Variants in FBXW7 observed in about 807,000 individuals in gnomAD.
The protein encoded by FBXW7 is F-box and WD repeat domain containing 7, also known as F-box/WD repeat-containing protein 7.
In FBXW7, 11 loss-of-function variants were observed where a neutral mutation model predicts 86.3. The observed-to-expected ratio is 0.13, with a 90% CI of 0.08 to 0.21. FBXW7 has a LOEUF of 0.21. Ranked by LOEUF, FBXW7 falls within the 10% of genes least tolerant of loss-of-function variation. FBXW7 has a pLI of 1.00. For synonymous variants in FBXW7, 313 were observed against 297.9 expected (o/e 1.05, Z -0.52); for missense variants, 488 against 847.4 (o/e 0.58, Z 5.27).
At chr4:152,414,674 G>C (rs1454075631) in intron 2 of FBXW7, among the ~76,000 whole-genome samples, 2 of 152,082 alleles carry the variant, frequency 1.3e-5, no homozygotes, top group Non-Finnish European at 2.9e-5. Context: ...ATAATGGCTG[G>C]AGAAAAGAAC....
At chr4:152,529,844 A>C (rs886593512) in intron 2 of FBXW7, among the ~76,000 whole-genome samples, 2 of 151,918 alleles carry the variant, frequency 1.3e-5, no homozygotes, top group African/African-American at 4.8e-5. Flanking sequence ...TATACCCTCG[A>C]GGCTCTCTAA....
chr4:152,352,656 G>A (rs567675559), intron 4 of FBXW7: 2 of 1,613,832 alleles, frequency 1.2e-6, no homozygotes, highest in Admixed American at 1.7e-5. Flanking sequence ...GAAGATTAGG[G>A]AGCAGAACCG....
intron 2 of FBXW7, among the ~76,000 whole-genome samples, chr4:152,467,452 G>GT (rs1158163844): frequency 6.6e-6 from 1 of 152,050 alleles, no homozygotes; most frequent in Non-Finnish European, 1.5e-5. Flanking sequence ...TATCAGCAGC[G>GT]TGAGAACGGA....
At chr4:152,331,965 T>C (rs751087393) in intron 8 of FBXW7, among the ~76,000 whole-genome samples, 57 of 152,074 alleles carry the variant, frequency 3.7e-4, no homozygotes, top group Non-Finnish European at 7.4e-4. Context: ...TGACTATAAC[T>C]ACCATGAAGG....
At chr4:152,341,311 C>T (rs1392691159) in intron 6 of FBXW7, among the ~76,000 whole-genome samples, 1 of 152,180 alleles carries the variant, frequency 6.6e-6, no homozygotes, top group African/African-American at 2.4e-5. Flanking sequence ...GCTGTAAACA[C>T]TCCAGGCACA....
At chr4:152,503,654 A>G (rs2149703928) in intron 2 of FBXW7, among the ~76,000 whole-genome samples, 1 of 152,164 alleles carries the variant, frequency 6.6e-6, no homozygotes, top group East Asian at 1.9e-4. Flanking sequence ...TGTAAAAAAA[A>G]AAAAAAAATC....
At chr4:152,509,468 G>A (rs1482183764) in intron 2 of FBXW7, among the ~76,000 whole-genome samples, 2 of 152,122 alleles carry the variant, frequency 1.3e-5, no homozygotes, top group African/African-American at 2.4e-5. Context: ...TATCTGTGAA[G>A]AAGCTAGTCT....
At chr4:152,477,074 C>T (rs1372906634) in intron 2 of FBXW7, among the ~76,000 whole-genome samples, 3 of 151,312 alleles carry the variant, frequency 2.0e-5, no homozygotes, top group African/African-American at 7.3e-5. Context: ...AAAAAGGAAG[C>T]TAATACTCTG....
At chr4:152,405,887 G>T (rs1285559548) in intron 4 of FBXW7, among the ~76,000 whole-genome samples, 1 of 152,204 alleles carries the variant, frequency 6.6e-6, no homozygotes, top group Non-Finnish European at 1.5e-5. Flanking sequence ...TTTGGAGAAA[G>T]AAACAGTACT....
rs1023343622 is a variant in FBXW7 at position 152,389,651 on chromosome 4, C to T, written c.501+21652G>A. Among the ~76,000 whole-genome samples, 15 of 151,888 alleles carry T rather than the reference C, an allele frequency of 9.9e-5. 1 individual carries two copies. In the South Asian group the frequency reaches 2.3e-3, roughly 23 times the overall value. ...TGCTGAGAGATGAGAAATCACTTAA[C>T]GGGTACAATGTATACTATTTGGGTG... is the stretch of plus-strand genomic sequence containing the variant. On this transcript the variant is annotated intron_variant, in intron 4 of 13. Transcript: ENST00000281708.
intron 2 of FBXW7, among the ~76,000 whole-genome samples, chr4:152,420,878 A>G (rs1738884339): frequency 6.6e-6 from 1 of 152,152 alleles, no homozygotes; most frequent in Non-Finnish European, 1.5e-5. Context: ...GGAATGACCA[A>G]TGAGCACTGG....
chr4:152,450,613 C>T (rs1171552784), intron 2 of FBXW7, among the ~76,000 whole-genome samples: 1 of 152,116 alleles, frequency 6.6e-6, no homozygotes, highest in Non-Finnish European at 1.5e-5. Context: ...ATACCACATA[C>T]TAATGTAAAA....
At chr4:152,348,156 T>C (rs780859721) in intron 5 of FBXW7, among the ~76,000 whole-genome samples, 92 of 152,160 alleles carry the variant, frequency 6.0e-4, no homozygotes, top group Non-Finnish European at 1.1e-3. Context: ...TGTTTTTTTC[T>C]ATCCAGCATT....
At chr4:152,528,193 G>A (rs75065586) in intron 2 of FBXW7, among the ~76,000 whole-genome samples, 1 of 151,922 alleles carries the variant, frequency 6.6e-6, no homozygotes, top group South Asian at 2.1e-4. Context: ...GAGAGAGAGA[G>A]GAAAAAAACA....
At chr4:152,427,319 C>T (rs1739476447) in intron 2 of FBXW7, among the ~76,000 whole-genome samples, 3 of 152,182 alleles carry the variant, frequency 2.0e-5, no homozygotes, top group African/African-American at 7.2e-5. Context: ...TCTCACTGAT[C>T]AGAACCACTA....
intron 4 of FBXW7, chr4:152,352,827 G>C (rs2126666057): frequency 6.5e-7 from 1 of 1,539,568 alleles, no homozygotes; most frequent in Non-Finnish European, 8.7e-7. Context: ...AGCCTTGACT[G>C]AACAGATTCC....
At chr4:152,331,495 A>C (rs1729562741) in intron 8 of FBXW7, among the ~76,000 whole-genome samples, 1 of 152,130 alleles carries the variant, frequency 6.6e-6, no homozygotes, top group Non-Finnish European at 1.5e-5. Flanking sequence ...GATTTCACTT[A>C]TATGAGGTAC....
intron 2 of FBXW7, among the ~76,000 whole-genome samples, chr4:152,528,932 C>A (rs1003200581): frequency 6.6e-6 from 1 of 151,968 alleles, no homozygotes; most frequent in Non-Finnish European, 1.5e-5. Flanking sequence ...TCTACACATA[C>A]ATACTTTGTG....
chr4:152,341,953 A>AGGT (rs1730787721), intron 6 of FBXW7, among the ~76,000 whole-genome samples: 1 of 152,138 alleles, frequency 6.6e-6, no homozygotes, highest in Non-Finnish European at 1.5e-5. Context: ...TTACAATTTA[A>AGGT]CCTCTTCAGG....
Sources: gnomAD v4.1 joint callset for allele counts (sites outside exome capture counted in the v4.1 genomes callset) on GRCh38, gnomAD v4.1.1 for gene constraint, MANE v1.5 for transcripts, NCBI Gene and HGNC (gene_info 2026-07-23, HGNC 2026-07-21) for gene names.